The following AKT2 variants were observed in gnomAD, a reference collection of about 807,000 sequenced individuals.
AKT2 encodes AKT serine/threonine kinase 2.
In AKT2, 16 loss-of-function variants were observed where a neutral mutation model predicts 58.6. The observed-to-expected ratio is 0.27, with a 90% CI of 0.18 to 0.41. The LOEUF (loss-of-function observed/expected upper bound fraction) is 0.41. AKT2 is among the 10% of genes least tolerant of loss of function. The pLI is 1.00. For missense variants in AKT2, 438 were observed against 661.0 expected, an observed-to-expected ratio of 0.66 and a Z score of 3.70; for synonymous variants, 253 against 254.0, an observed-to-expected ratio of 1.00 and a Z score of 0.04.
rs765026585 is a variant in AKT2 at position 40,235,340 on chromosome 19, C to T, written c.1186G>A (p.Gly396Arg). Reference protein sequence around the residue: ...KKDPKQRLGGGPSDAKEVMEH... With the variant: ...KKDPKQRLGGRPSDAKEVMEH... ...ATGACCTCCTTGGCATCGCTGGGCC[C>T]CCCACCAAGCCTGTGCAGAGACGGC... The change falls in exon 12 of 14, where the codon GGG (glycine) becomes AGG (arginine). Residue 396 changes from glycine to arginine, a missense_variant. Physicochemically the swap from Gly to Arg is moderately radical, Grantham distance 125. Around this residue, in one of 3 missense-constraint regions of AKT2, gnomAD observed 148 missense variants for 199.5 expected, o/e 0.74. Coordinates refer to ENST00000392038, the MANE Select transcript of AKT2 (RefSeq NM_001626.6). This position sits in a 1 kb window ranked among gnomAD's most constrained non-coding sequence, Gnocchi z 6.3. 6.2e-7 allele frequency: 1 copy of T among 1,613,666 alleles called. No individual in the cohort carries two copies. The highest frequency in any genetic ancestry group is 8.5e-7 in the Non-Finnish European group (1 of 1,180,018).
intron 2 of AKT2, among the ~76,000 whole-genome samples, chr19:40,260,142 ACTCTGT>A (rs1568554307): frequency 1.3e-5 from 2 of 151,472 alleles, no homozygotes; most frequent in Admixed American, 1.3e-4. Flanking sequence ...ACAGAGCAAG[ACTCTGT>A]CTCAAAAAAA....
At chr19:40,281,551 C>T (rs2077424520) in intron 1 of AKT2, among the ~76,000 whole-genome samples, 1 of 151,966 alleles carries the variant, frequency 6.6e-6, no homozygotes, top group African/African-American at 2.4e-5. Context: ...GTGTGTCTAC[C>T]TTGGAGGCGC....
In AKT2 at chr19:40,238,913, C is replaced by A; in HGVS notation, c.700G>T (p.Gly234Trp). Residue 234 changes from glycine to tryptophan, a missense_variant, in exon 8 of 14, where the codon GGG becomes TGG. Around this residue, in one of 3 missense-constraint regions of AKT2, gnomAD observed 244 missense variants for 347.1 expected, o/e 0.70. Coordinates refer to ENST00000392038, the MANE Select transcript of AKT2 (RefSeq NM_001626.6). The surrounding 1 kb of genome is among the most constrained non-coding windows in gnomAD (Gnocchi z 5.1). ...RLCFVMEYANGGELFFHLSRE... is the reference protein window; with the variant it reads ...RLCFVMEYANWGELFFHLSRE... Reference sequence around the variant, plus strand: ...AGGCAGCCGCGGCTCACCTCACCCCCGTTGGCATACTCCATCACAAAGCAC... The same window carrying A: ...AGGCAGCCGCGGCTCACCTCACCCCAGTTGGCATACTCCATCACAAAGCAC... 1 of 1,614,124 alleles carries A rather than the reference C, an allele frequency of 6.2e-7. No homozygotes were observed. The highest frequency in any genetic ancestry group is 8.5e-7 in the Non-Finnish European group (1 of 1,180,020).
intron 1 of AKT2, among the ~76,000 whole-genome samples, chr19:40,283,892 G>A (rs760585639): frequency 1.1e-4 from 16 of 152,206 alleles, no homozygotes; most frequent in Non-Finnish European, 2.4e-4. Context: ...TACTGCCTTG[G>A]TGGGGAGTGT....
chr19:40,256,910 T>G lies in AKT2; in HGVS notation c.175+16A>C. On this transcript the variant is annotated intron_variant, in intron 3 of 13. Coordinates refer to ENST00000392038, the MANE Select transcript of AKT2 (RefSeq NM_001626.6). ...TGTGAGCACCAGAACACTGACCCACTCATCCCAAGACACACCTGCTACGGA... is the reference window on the plus strand; with the variant it reads ...TGTGAGCACCAGAACACTGACCCACGCATCCCAAGACACACCTGCTACGGA... 1 of 1,613,870 alleles carries G rather than the reference T, an allele frequency of 6.2e-7. No homozygotes were observed. The highest frequency in any genetic ancestry group is 8.5e-7 in the Non-Finnish European group (1 of 1,179,840).
rs2077494793 is a variant in AKT2, at chr19:40,285,279, ACGGCGCCGGCAGCGGCAG to A, written c.-201_-184del. 1 of 394,846 alleles carries A rather than the reference ACGGCGCCGGCAGCGGCAG, an allele frequency of 2.5e-6. No individual in the cohort carries two copies. The highest frequency in any genetic ancestry group is 4.5e-6 in the Non-Finnish European group (1 of 223,856). The allele number at this position is 394,846 out of a possible 1,614,324, so 24.5% of individuals were successfully genotyped here. On this transcript the variant is annotated 5_prime_UTR_variant, in exon 1 of 14. Coordinates refer to ENST00000392038, the MANE Select transcript of AKT2 (RefSeq NM_001626.6). ...TTCCTTGTGTTTCCCGGCAGCGGCA[ACGGCGCCGGCAGCGGCAG>A]CGGCGGCGGCGACGCCTCCTCCGAG...
rs1317995818 is a variant in AKT2 at position 40,236,558 on chromosome 19, C to A, written c.832-173G>T. 3.6e-6 allele frequency: 3 copies of A among 826,144 alleles called. No individual in the cohort carries two copies. The South Asian group carries it at 4.7e-5, about 13-fold the overall frequency. The allele number at this position is 826,144 out of a possible 1,614,324, so 51.2% of individuals were successfully genotyped here. ...AGGCTCAGAGAGAGGCCAGATCCAACCCTCCTCACCCTCTGGCCCACCCCC... is the reference window on the plus strand; with the variant it reads ...AGGCTCAGAGAGAGGCCAGATCCAAACCTCCTCACCCTCTGGCCCACCCCC... On this transcript the variant is annotated intron_variant, in intron 9 of 13. Transcript: ENST00000392038.
rs777146223 is a variant in AKT2 at position 40,235,948 on chromosome 19, G to C, written c.1117C>G (p.Leu373Val). ...LMEEIRFPRT[L>V]SPEAKSLLAG... ...AGCAGGGACTTGGCCTCGGGGCTGA[G>C]CGTGCGCGGGAAGCGGATCTCTTCC... is the stretch of plus-strand genomic sequence containing the variant. The change falls in exon 11 of 14, where the codon CTC becomes GTC. Residue 373 changes from leucine (L) to valine (V), a missense_variant. This residue lies in a region of AKT2 where 148 missense variants were observed against 199.5 expected (regional missense o/e 0.74). Transcript: ENST00000392038. The surrounding 1 kb of genome is among the most constrained non-coding windows in gnomAD (Gnocchi z 6.3). 1.9e-6 allele frequency: 3 copies of C among 1,613,788 alleles called. No homozygotes were observed. The highest frequency in any genetic ancestry group is 1.3e-5 in the African/African-American group (1 of 74,936).
At position 40,234,977 on chromosome 19, in the gene AKT2, G is replaced by C; in HGVS notation, c.1366+68C>G. 2 of 1,403,068 alleles carry C rather than the reference G, an allele frequency of 1.4e-6. No individual in the cohort carries two copies. Among genetic ancestry groups the C allele is most frequent in the Non-Finnish European group, 2.0e-6 (2 of 990,254 alleles). The allele number at this position is 1,403,068 out of a possible 1,614,324, so 86.9% of individuals were successfully genotyped here. On this transcript the variant is annotated intron_variant, in intron 13 of 13. Transcript: ENST00000392038. This position sits in a 1 kb window ranked among gnomAD's most constrained non-coding sequence, Gnocchi z 4.7. ...TTCGAGGGCCCTCCTTGAGAAGTGA[G>C]TTAAGAGCAGATCCCATCCCTCCAC...
In AKT2 at chr19:40,235,414, C is replaced by T. The variant is rs772964010; in HGVS notation, c.1176-64G>A. The T allele has an allele frequency of 3.1e-5, 46 of 1,498,416 alleles. No individual in the cohort carries two copies. The highest frequency in any genetic ancestry group is 3.3e-5 in the Non-Finnish European group (36 of 1,079,834). The allele number at this position is 1,498,416 out of a possible 1,614,324, so 92.8% of individuals were successfully genotyped here. On this transcript the variant is annotated intron_variant, in intron 11 of 13. Coordinates refer to ENST00000392038, the MANE Select transcript of AKT2 (RefSeq NM_001626.6). This position sits in a 1 kb window ranked among gnomAD's most constrained non-coding sequence, Gnocchi z 6.3. Reference sequence around the variant, plus strand: ...AGCTGGGTTCGGGCAGACGGGCTTTCGGAGCAGGCAGGCCCTGTATGGCCC... The same window carrying T: ...AGCTGGGTTCGGGCAGACGGGCTTTTGGAGCAGGCAGGCCCTGTATGGCCC...
At chr19:40,270,174 C>T (rs532713604) in intron 1 of AKT2, among the ~76,000 whole-genome samples, 1 of 152,350 alleles carries the variant, frequency 6.6e-6, no homozygotes, top group South Asian at 2.1e-4. Context: ...CATGCCCACC[C>T]TACCTCCCCT....
chr19:40,249,423 G>GCCCCA (rs1275002248), intron 4 of AKT2, among the ~76,000 whole-genome samples: 1 of 152,240 alleles, frequency 6.6e-6, no homozygotes, highest in Non-Finnish European at 1.5e-5. Context: ...AGGGAACTGA[G>GCCCCA]CCCCACTGAG....
chr19:40,231,947 G>A lies in AKT2; in HGVS notation c.*1925C>T, dbSNP rs537494504. The A allele has an allele frequency of 1.7e-5, 4 of 233,340 alleles. No homozygotes were observed. Among genetic ancestry groups the A allele is most frequent in the South Asian group, 1.8e-4 (1 of 5,534 alleles). The allele number at this position is 233,340 out of a possible 1,614,324, so 14.5% of individuals were successfully genotyped here. ...ATAGGAATGCCCCCCTCTGAGGCTC[G>A]GCAGCCGGGTGGAATGAACCACTCC... is the stretch of plus-strand genomic sequence containing the variant. On this transcript the variant is annotated 3_prime_UTR_variant, in exon 14 of 14. Transcript: ENST00000392038.
At chr19:40,244,597 G>C (rs1251397912) in intron 4 of AKT2, among the ~76,000 whole-genome samples, 2 of 152,110 alleles carry the variant, frequency 1.3e-5, no homozygotes, top group African/African-American at 4.8e-5. Context: ...AACCCCCCGT[G>C]TATTTTGCTT....
intron 6 of AKT2, among the ~76,000 whole-genome samples, chr19:40,240,487 G>C (rs1460522704): frequency 6.6e-6 from 1 of 152,234 alleles, no homozygotes; most frequent in African/African-American, 2.4e-5. Flanking sequence ...GAAAAACAGT[G>C]CTTCTTGGTG....
At chr19:40,266,163 C>G (rs910757632) in intron 1 of AKT2, 2 of 152,438 alleles carry the variant, frequency 1.3e-5, no homozygotes, top group East Asian at 3.8e-4. Context: ...GTTCCCAGAA[C>G]GGAGGGGAGG....
chr19:40,285,267 C>CCGGCAGCGGCAACGGCGCCGGCAG lies in AKT2; in HGVS notation c.-195_-172dup. On this transcript the variant is annotated 5_prime_UTR_variant, in exon 1 of 14. Coordinates refer to ENST00000392038, the MANE Select transcript of AKT2 (RefSeq NM_001626.6). ...CGCTGGTTCCCTTTCCTTGTGTTTC[C>CCGGCAGCGGCAACGGCGCCGGCAG]CGGCAGCGGCAACGGCGCCGGCAGC... 2.5e-6 allele frequency: 1 copy of CCGGCAGCGGCAACGGCGCCGGCAG among 395,508 alleles called. No homozygotes were observed. The highest frequency in any genetic ancestry group is 4.5e-6 in the Non-Finnish European group (1 of 224,112). The allele number at this position is 395,508 out of a possible 1,614,324, so 24.5% of individuals were successfully genotyped here. A position where few individuals can be genotyped will look rare whatever the true frequency, so the allele number is the denominator to read the frequency against.
intron 2 of AKT2, among the ~76,000 whole-genome samples, chr19:40,261,770 A>C (rs1224715604): frequency 1.3e-5 from 2 of 152,144 alleles, no homozygotes; most frequent in African/African-American, 4.8e-5. Context: ...AATGGGTACA[A>C]AGTTTTATTT....
In AKT2 at chr19:40,236,123, T is replaced by C; in HGVS notation, c.961-19A>G. The C allele has an allele frequency of 6.2e-7, 1 of 1,613,812 alleles. No individual in the cohort carries two copies. Among genetic ancestry groups the C allele is most frequent in the Non-Finnish European group, 8.5e-7 (1 of 1,179,972 alleles). On this transcript the variant is annotated intron_variant, in intron 10 of 13. Transcript: ENST00000392038. ...CCAGCACCTGAGGATGGAGGAGAAA[T>C]GAGGGCTGGGCCCGTGGCCCTGAGG... is the stretch of plus-strand genomic sequence containing the variant.
Sources: allele counts gnomAD v4.1 joint callset (sites outside exome capture counted in the v4.1 genomes callset), GRCh38; gene constraint gnomAD v4.1.1; regional missense constraint gnomAD v4.1.1; non-coding constraint Gnocchi (gnomAD v3.1); transcripts MANE v1.5; gene names NCBI Gene and HGNC (gene_info 2026-07-23, HGNC 2026-07-21).